Variants in PLA2G5 observed in about 807,000 individuals in gnomAD.
PLA2G5 encodes the protein phospholipase A2 group V.
PLA2G5 carries 12 observed loss-of-function variants against 15.9 expected under a neutral mutation model. That is an observed-to-expected ratio of 0.76 (90% CI 0.48 to 1.23). The LOEUF (loss-of-function observed/expected upper bound fraction) is 1.23, where lower values mean the gene tolerates loss of function less well. Among genes scored for constraint, PLA2G5 ranks in the 50% most tolerant of loss-of-function variants. The probability of loss-of-function intolerance (pLI) is 0.00; values close to 1 mark genes in which losing one functional copy is unlikely to be tolerated. For missense variants in PLA2G5, 169 were observed against 177.1 expected (o/e 0.95, Z 0.26); for synonymous variants, 71 against 71.4 (o/e 0.99, Z 0.03).
chr1:20,054,576 A>T (rs770890233), intron 1 of PLA2G5, among the ~76,000 whole-genome samples: 1 of 151,382 alleles, frequency 6.6e-6, no homozygotes, highest in Non-Finnish European at 1.5e-5. Flanking sequence ...AAATATGTTT[A>T]ATGTTTTCCT....
At chr1:20,087,815 G>A (rs1379487940) in intron 3 of PLA2G5, among the ~76,000 whole-genome samples, 1 of 151,942 alleles carries the variant, frequency 6.6e-6, no homozygotes, top group Non-Finnish European at 1.5e-5. Context: ...CAAACAAAAC[G>A]GAAGCCCACA....
chr1:20,042,123 C>T (rs770945209), intron 1 of PLA2G5, among the ~76,000 whole-genome samples: 8 of 152,102 alleles, frequency 5.3e-5, no homozygotes, highest in Non-Finnish European at 1.0e-4. Flanking sequence ...ACGTGTAGTC[C>T]TTTTGCAAGA....
At chr1:20,044,059 T>G (rs1325093083) in intron 1 of PLA2G5, among the ~76,000 whole-genome samples, 1 of 152,186 alleles carries the variant, frequency 6.6e-6, no homozygotes, top group Non-Finnish European at 1.5e-5. Context: ...CAGTCTGATT[T>G]CCAGTGGGTC....
At chr1:20,067,049 G>A (rs1392732300), upstream of PLA2G5, among the ~76,000 whole-genome samples, 1 of 151,910 alleles carries the variant, frequency 6.6e-6, no homozygotes, top group Non-Finnish European at 1.5e-5. Flanking sequence ...AGGCTGCAGT[G>A]CAGTAGCACA....
chr1:20,047,687 C>CTT (rs1482543253), intron 1 of PLA2G5, among the ~76,000 whole-genome samples: 1 of 150,826 alleles, frequency 6.6e-6, no homozygotes. Context: ...TATCTCATGG[C>CTT]TAAAGTTCTG....
In PLA2G5 at chr1:20,053,532, A is replaced by G. The variant is rs1391387950; in HGVS notation, n.277-6100A>G. On this transcript the variant is annotated intron_variant and non_coding_transcript_variant, in intron 1 of 6. Transcript: ENST00000460175. ...GTGATTGTATTCTATTTTGGGTTCTATTCACATCCTAGTTGATTTTAATTA... is the reference window on the plus strand; with the variant it reads ...GTGATTGTATTCTATTTTGGGTTCTGTTCACATCCTAGTTGATTTTAATTA... Among the ~76,000 whole-genome samples the G allele has an allele frequency of 3.1e-5, 4 of 127,386 alleles. No individual in the cohort carries two copies. The East Asian group carries it at 1.1e-3, about 34-fold the overall frequency. The allele number at this position is 127,386 out of a possible 152,430, so 83.6% of individuals were successfully genotyped here.
chr1:20,055,127 A>T (rs1178865488), intron 1 of PLA2G5, among the ~76,000 whole-genome samples: 1 of 152,234 alleles, frequency 6.6e-6, no homozygotes. Flanking sequence ...ACTGTGAGCA[A>T]AACAAAAACA....
At chr1:20,080,471 A>G (rs1327990253) in intron 1 of PLA2G5, among the ~76,000 whole-genome samples, 5 of 152,168 alleles carry the variant, frequency 3.3e-5, no homozygotes, top group African/African-American at 1.2e-4. Context: ...AATCCTAGAT[A>G]CTTAGGAGGT....
In PLA2G5 at chr1:20,084,829, A is replaced by T; in HGVS notation, c.-2A>T. On this transcript the variant is annotated 5_prime_UTR_variant, in exon 2 of 5. Coordinates refer to ENST00000375108, the MANE Select transcript of PLA2G5 (RefSeq NM_000929.3). ...TGTGTTTTTTTTTCCAGAACCCCAG[A>T]GATGAAAGGCCTCCTCCCACTGGCT... is the stretch of plus-strand genomic sequence containing the variant. 1 of 1,608,258 alleles carries T rather than the reference A, an allele frequency of 6.2e-7. No homozygotes were observed. Among genetic ancestry groups the T allele is most frequent in the Non-Finnish European group, 8.5e-7 (1 of 1,174,838 alleles).
intron 1 of PLA2G5, among the ~76,000 whole-genome samples, chr1:20,052,336 T>C (rs974115232): frequency 6.6e-6 from 1 of 152,192 alleles, no homozygotes; most frequent in Non-Finnish European, 1.5e-5. Context: ...CCTCCATTTT[T>C]CCTAATTTGG....
chr1:20,070,569 C>A, intron 1 of PLA2G5, 104 bp downstream of exon 1: 1 of 663,366 alleles, frequency 1.5e-6, no homozygotes, highest in Non-Finnish European at 1.9e-6. Context: ...AGAGGAGGCC[C>A]AGGGGGAGGT....
chr1:20,056,097 CT>C (rs1356058193), intron 1 of PLA2G5, among the ~76,000 whole-genome samples: 5 of 152,168 alleles, frequency 3.3e-5, no homozygotes, highest in African/African-American at 1.2e-4. Context: ...CTTTCCCCTT[CT>C]TTTAAAAGAT....
At chr1:20,054,627 G>A (rs906627348) in intron 1 of PLA2G5, among the ~76,000 whole-genome samples, 8 of 151,444 alleles carry the variant, frequency 5.3e-5, no homozygotes, top group African/African-American at 1.5e-4. Context: ...GTCTCAGTGG[G>A]GTCTAAGCCC....
At chr1:20,051,885 G>A (rs1295587055) in intron 1 of PLA2G5, among the ~76,000 whole-genome samples, 2 of 152,128 alleles carry the variant, frequency 1.3e-5, no homozygotes, top group African/African-American at 2.4e-5. Flanking sequence ...GAACCTCAAG[G>A]GGAGAGGAAT....
intron 3 of PLA2G5, 120 bp downstream of exon 3, chr1:20,086,347 TA>T: frequency 8.5e-7 from 1 of 1,171,568 alleles, no homozygotes; most frequent in African/African-American, 1.5e-5. Context: ...ATAAGAAAAC[TA>T]AGCCTCAAAG....
intron 1 of PLA2G5, among the ~76,000 whole-genome samples, chr1:20,081,605 G>A (rs1463415443): frequency 2.6e-5 from 4 of 151,678 alleles, no homozygotes; most frequent in African/African-American, 4.9e-5. Context: ...TGGAACTCCA[G>A]GCTTCCCTAG....
At chr1:20,041,119 G>A (rs1038238404) in intron 1 of PLA2G5, among the ~76,000 whole-genome samples, 2 of 152,318 alleles carry the variant, frequency 1.3e-5, no homozygotes, top group Non-Finnish European at 2.9e-5. Context: ...ACCTGTCTCA[G>A]ATATTCAGCA....
At chr1:20,045,374 G>T (rs916983751) in intron 1 of PLA2G5, among the ~76,000 whole-genome samples, 1 of 152,064 alleles carries the variant, frequency 6.6e-6, no homozygotes, top group Admixed American at 6.6e-5. Context: ...GCGGTGATCA[G>T]ACACCTCTGA....
intron 1 of PLA2G5, among the ~76,000 whole-genome samples, chr1:20,047,438 T>A (rs920861126): frequency 3.3e-5 from 5 of 152,184 alleles, no homozygotes; most frequent in Admixed American, 2.6e-4. Flanking sequence ...CTCTGTAGGT[T>A]TTATGGCATC....
Sources: gnomAD v4.1 joint callset for allele counts (sites outside exome capture counted in the v4.1 genomes callset) on GRCh38, gnomAD v4.1.1 for gene constraint, MANE v1.5 for transcripts, NCBI Gene and HGNC (gene_info 2026-07-23, HGNC 2026-07-21) for gene names.